Variants in IGF2BP2 observed in about 807,000 individuals in gnomAD.
IGF2BP2 encodes the protein insulin-like growth factor 2 mRNA-binding protein 2.
IGF2BP2 carries 17 observed loss-of-function variants against 75.8 expected under a neutral mutation model. That is an observed-to-expected ratio of 0.22 (90% CI 0.15 to 0.34). IGF2BP2 has a LOEUF of 0.34. Ranked by LOEUF, IGF2BP2 falls within the 10% of genes least tolerant of loss-of-function variation. The probability of loss-of-function intolerance (pLI) is 1.00; values close to 1 mark genes in which losing one functional copy is unlikely to be tolerated. For missense variants in IGF2BP2, 516 were observed against 772.4 expected (o/e 0.67, Z 3.93); for synonymous variants, 288 against 295.6 (o/e 0.97, Z 0.26).
chr3:185,811,247 G>A (rs1739779487), intron 2 of IGF2BP2, among the ~76,000 whole-genome samples: 1 of 152,114 alleles, frequency 6.6e-6, no homozygotes, highest in African/African-American at 2.4e-5. Context: ...ATTTGATTTT[G>A]AGTTTCCAAA....
chr3:185,800,283 G>T (rs888405577), intron 2 of IGF2BP2, among the ~76,000 whole-genome samples: 7 of 152,176 alleles, frequency 4.6e-5, no homozygotes, highest in African/African-American at 1.2e-4. Context: ...GTCGGAGAGT[G>T]GGGGACTGGG....
chr3:185,808,791 T>C (rs1162045449), intron 2 of IGF2BP2, among the ~76,000 whole-genome samples: 1 of 151,700 alleles, frequency 6.6e-6, no homozygotes, highest in African/African-American at 2.4e-5. Flanking sequence ...TGGTCTCAAA[T>C]TCCTGGCCTC....
chr3:185,759,790 T>C (rs78490533), intron 2 of IGF2BP2, among the ~76,000 whole-genome samples: 3,556 of 152,378 alleles, frequency 0.023, 68 homozygotes, highest in Middle Eastern at 0.054. Flanking sequence ...GAGCAAGGAC[T>C]CTGGCTATGT....
intron 2 of IGF2BP2, among the ~76,000 whole-genome samples, chr3:185,715,591 T>C (rs1374204339): frequency 3.9e-5 from 6 of 152,216 alleles, no homozygotes; most frequent in African/African-American, 1.4e-4. Flanking sequence ...TGGCTGTCTA[T>C]ATCCCACCAT....
At chr3:185,735,398 G>A (rs529835908) in intron 2 of IGF2BP2, among the ~76,000 whole-genome samples, 5 of 152,200 alleles carry the variant, frequency 3.3e-5, no homozygotes, top group East Asian at 1.9e-4. Flanking sequence ...CACCTGCCTC[G>A]GCCTCCCAAA....
intron 2 of IGF2BP2, among the ~76,000 whole-genome samples, chr3:185,781,907 G>A (rs182986749): frequency 4.7e-4 from 71 of 152,200 alleles, no homozygotes; most frequent in Non-Finnish European, 7.4e-4. Flanking sequence ...GCATTTGTGG[G>A]ATAAGGTCCT....
Position 185,698,810 on chromosome 3 carries a change from T to C in IGF2BP2, c.240-463A>G, listed in dbSNP as rs148761600. On this transcript the variant is annotated intron_variant, in intron 2 of 15. Coordinates refer to ENST00000382199, the MANE Select transcript of IGF2BP2 (RefSeq NM_006548.6). ...CACCTAATTTTTGTGGGTTTTTTGT[T>C]GTTGTTTGTTTGTTTGTTTTTTAAG... is the stretch of plus-strand genomic sequence containing the variant. Among the ~76,000 whole-genome samples the C allele has an allele frequency of 3.0e-3, 450 of 151,340 alleles. 2 individuals carry two copies. The highest frequency in any genetic ancestry group is 0.01 in the African/African-American group (424 of 41,182).
intron 14 of IGF2BP2, among the ~76,000 whole-genome samples, chr3:185,648,831 C>T (rs1341621776): frequency 1.3e-5 from 2 of 152,236 alleles, no homozygotes; most frequent in Non-Finnish European, 2.9e-5. Context: ...CCTCCTACTG[C>T]TAAACTAGCT....
chr3:185,694,580 T>C (rs570444906), intron 4 of IGF2BP2, among the ~76,000 whole-genome samples: 1 of 152,288 alleles, frequency 6.6e-6, no homozygotes, highest in African/African-American at 2.4e-5. Flanking sequence ...GACAAAACAA[T>C]AGCCCAACAG....
chr3:185,793,758 G>C (rs1358547898), intron 2 of IGF2BP2, among the ~76,000 whole-genome samples: 2 of 152,056 alleles, frequency 1.3e-5, no homozygotes, highest in Admixed American at 6.6e-5. Context: ...AAAGCACTGA[G>C]AGAAACAGCC....
intron 2 of IGF2BP2, among the ~76,000 whole-genome samples, chr3:185,712,362 C>A (rs1323649708): frequency 2.3e-4 from 35 of 152,080 alleles, no homozygotes; most frequent in Non-Finnish European, 1.5e-5. Flanking sequence ...GGAACAATGA[C>A]GTAAGAAAAA....
intron 2 of IGF2BP2, among the ~76,000 whole-genome samples, chr3:185,765,584 G>C (rs1040604869): frequency 6.6e-6 from 1 of 152,172 alleles, no homozygotes; most frequent in Non-Finnish European, 1.5e-5. Context: ...CCTGCACCTA[G>C]AGGGAAAAGA....
intron 2 of IGF2BP2, among the ~76,000 whole-genome samples, chr3:185,786,624 TCCCTTCGCTGACTCTCTTTTCGGACTCAG>T: frequency 6.6e-6 from 1 of 152,098 alleles, no homozygotes; most frequent in Admixed American, 6.5e-5. Context: ...CCACCCTAGG[TCCCTTCGCTGACTCTCTTTTCGGACTCAG>T]CCCACCTGCA....
chr3:185,757,259 A>G (rs983504324), intron 2 of IGF2BP2, among the ~76,000 whole-genome samples: 2 of 152,220 alleles, frequency 1.3e-5, no homozygotes, highest in African/African-American at 4.8e-5. Context: ...GCTACTAAGC[A>G]CTTGCCTCTG....
chr3:185,649,650 C>T (rs1714227823), intron 13 of IGF2BP2, 116 bp from the exon 14 acceptor site: 2 of 1,383,766 alleles, frequency 1.4e-6, no homozygotes, highest in African/African-American at 1.4e-5. Context: ...TCCCACACTC[C>T]CTGGGACACA....
chr3:185,774,362 G>A (rs1353436443), intron 2 of IGF2BP2, among the ~76,000 whole-genome samples: 1 of 152,048 alleles, frequency 6.6e-6, no homozygotes, highest in Admixed American at 6.5e-5. Flanking sequence ...TTGGGAGGCC[G>A]AGGTGGGCGG....
At chr3:185,731,307 T>C (rs1728142449) in intron 2 of IGF2BP2, among the ~76,000 whole-genome samples, 8 of 147,920 alleles carry the variant, frequency 5.4e-5, no homozygotes, top group Admixed American at 4.9e-4. Flanking sequence ...AGCGCAATGG[T>C]GCAATCTTGG....
At chr3:185,791,513 G>A (rs954987253) in intron 2 of IGF2BP2, among the ~76,000 whole-genome samples, 1 of 152,200 alleles carries the variant, frequency 6.6e-6, no homozygotes, top group Non-Finnish European at 1.5e-5. Context: ...ATTCAACAAG[G>A]ATCTCTGGGC....
chr3:185,781,752 T>A (rs1735227728), intron 2 of IGF2BP2, among the ~76,000 whole-genome samples: 1 of 152,060 alleles, frequency 6.6e-6, no homozygotes, highest in Admixed American at 6.6e-5. Flanking sequence ...TTAACATTGT[T>A]CCCAAAAGTT....
Sources: gnomAD v4.1 joint callset for allele counts (sites outside exome capture counted in the v4.1 genomes callset) on GRCh38, gnomAD v4.1.1 for gene constraint, MANE v1.5 for transcripts, NCBI Gene and HGNC (gene_info 2026-07-23, HGNC 2026-07-21) for gene names.